The following PGAP4 variants were observed in gnomAD, a reference collection of about 807,000 sequenced individuals.
The protein encoded by PGAP4 is post-GPI attachment to proteins GalNAc transferase 4.
In PGAP4, 12 loss-of-function variants were observed where a neutral mutation model predicts 28.2. That is an observed-to-expected ratio of 0.42 (90% confidence interval 0.27 to 0.69). The LOEUF is 0.69. Ranked by LOEUF, PGAP4 falls within the 30% of genes least tolerant of loss-of-function variation. The pLI, the probability that PGAP4 is intolerant of heterozygous loss-of-function variation, is 0.22. For synonymous variants in PGAP4, 205 were observed against 211.8 expected, an observed-to-expected ratio of 0.97 and a Z score of 0.28; for missense variants, 425 against 513.5, an observed-to-expected ratio of 0.83 and a Z score of 1.67.
upstream of PGAP4, among the ~76,000 whole-genome samples, chr9:101,490,364 A>G (rs2118570930): frequency 6.6e-6 from 1 of 151,548 alleles, no homozygotes; most frequent in South Asian, 2.1e-4. Flanking sequence ...TAATTTTTGT[A>G]TTTTTAGTAG....
rs1414060382 is a variant in PGAP4, at chr9:101,474,164, AT to A, written c.*1716del. ...TTGAAGTCAGAAGAGCTCCGTTCCC[AT>A]TTTGGCTATGCTGCTGTTCAGGTTT... On this transcript the variant is annotated 3_prime_UTR_variant, in exon 2 of 2. Transcript: ENST00000374848. 1 of 152,178 alleles carries A rather than the reference AT, an allele frequency of 6.6e-6. No homozygotes were observed. Among genetic ancestry groups the A allele is most frequent in the East Asian group, 1.9e-4 (1 of 5,182 alleles). The allele number at this position is 152,178 out of a possible 1,614,324, so 9.4% of individuals were successfully genotyped here.
chr9:101,499,011 T>A (rs1826775210), intron 2 of PGAP4, among the ~76,000 whole-genome samples: 1 of 151,820 alleles, frequency 6.6e-6, no homozygotes, highest in Non-Finnish European at 1.5e-5. Context: ...AATACTAAAC[T>A]ACACATGGAA....
chr9:101,493,011 T>G (rs1423938209), intron 2 of PGAP4, among the ~76,000 whole-genome samples: 1 of 151,770 alleles, frequency 6.6e-6, no homozygotes, highest in Non-Finnish European at 1.5e-5. Context: ...TCCCAGCACT[T>G]TGGGAGGCCG....
chr9:101,476,973 G>T lies in PGAP4; in HGVS notation c.120C>A (p.Pro40=), dbSNP rs745323068. ...LTVVTFGLLA[P]LACHRLLHSY... Reference sequence around the variant, plus strand: ...AGTGTAGAAGTCGGTGACAGGCCAGGGGGGCCAGCAGGCCAAACGTCACCA... The same window carrying T: ...AGTGTAGAAGTCGGTGACAGGCCAGTGGGGCCAGCAGGCCAAACGTCACCA... The change falls in exon 2 of 2, where the codon CCC becomes CCA. Residue 40 remains proline (P), a synonymous_variant. Coordinates refer to ENST00000374848, the MANE Select transcript of PGAP4 (RefSeq NM_032342.3). The surrounding 1 kb of genome is among the most constrained non-coding windows in gnomAD (Gnocchi z 7.0). 6.3e-7 allele frequency: 1 copy of T among 1,598,586 alleles called. No individual in the cohort carries two copies. Among genetic ancestry groups the T allele is most frequent in the South Asian group, 1.1e-5 (1 of 90,470 alleles).
chr9:101,495,634 G>C (rs56682764), intron 2 of PGAP4, among the ~76,000 whole-genome samples: 1 of 148,566 alleles, frequency 6.7e-6, no homozygotes, highest in African/African-American at 2.5e-5. Context: ...TAAATAACAT[G>C]TATTTATTTA....
chr9:101,489,143 A>T (rs1826662139), upstream of PGAP4: 1 of 152,182 alleles, frequency 6.6e-6, no homozygotes. Flanking sequence ...AAAAGCCAAA[A>T]TCCAAACTGA....
At chr9:101,504,702 C>T (rs904263467) in intron 2 of PGAP4, among the ~76,000 whole-genome samples, 1 of 152,078 alleles carries the variant, frequency 6.6e-6, no homozygotes, top group African/African-American at 2.4e-5. Flanking sequence ...TAACTGAGAG[C>T]AATTGCAGTA....
At position 101,473,761 on chromosome 9, in the gene PGAP4, A is replaced by C. The variant is rs1361557783; in HGVS notation, c.*2120T>G. On this transcript the variant is annotated 3_prime_UTR_variant, in exon 2 of 2. Transcript: ENST00000374848. ...GGGGCTCTACTGTCATTGGTCAAAA[A>C]ACTTTCATGAGGAGATCCAATCACT... is the stretch of plus-strand genomic sequence containing the variant. The C allele has an allele frequency of 6.6e-6, 1 of 152,256 alleles. No individual in the cohort carries two copies. The highest frequency in any genetic ancestry group is 2.4e-5 in the African/African-American group (1 of 41,458). The allele number at this position is 152,256 out of a possible 1,614,324, so 9.4% of individuals were successfully genotyped here.
At chr9:101,500,756 C>G (rs1296909214) in intron 2 of PGAP4, among the ~76,000 whole-genome samples, 1 of 151,970 alleles carries the variant, frequency 6.6e-6, no homozygotes, top group African/African-American at 2.4e-5. Flanking sequence ...AGGGAGGAGA[C>G]AGGAAGATAC....
intron 2 of PGAP4, among the ~76,000 whole-genome samples, chr9:101,514,080 C>T (rs574777060): frequency 1.6e-3 from 238 of 151,986 alleles, no homozygotes; most frequent in Middle Eastern, 6.8e-3. Context: ...GGTGAATCTT[C>T]CCCACTCAGT....
chr9:101,493,945 C>T (rs569310027), intron 2 of PGAP4, among the ~76,000 whole-genome samples: 8 of 151,674 alleles, frequency 5.3e-5, no homozygotes, highest in South Asian at 2.1e-4. Context: ...AAACAATGTA[C>T]AGGGATATAA....
intron 1 of PGAP4, among the ~76,000 whole-genome samples, chr9:101,482,574 A>C (rs1826518774): frequency 6.6e-6 from 1 of 152,194 alleles, no homozygotes; most frequent in Non-Finnish European, 1.5e-5. Context: ...CTTTTCTGTA[A>C]AACTATTCAA....
At chr9:101,495,975 G>T (rs1826744033) in intron 2 of PGAP4, among the ~76,000 whole-genome samples, 1 of 151,336 alleles carries the variant, frequency 6.6e-6, no homozygotes, top group South Asian at 2.1e-4. Flanking sequence ...AGAAAAGTGT[G>T]TTCAGACTCC....
At chr9:101,503,565 T>A (rs947676260) in intron 2 of PGAP4, among the ~76,000 whole-genome samples, 2 of 152,088 alleles carry the variant, frequency 1.3e-5, no homozygotes, top group Admixed American at 1.3e-4. Flanking sequence ...ATAATTACAT[T>A]CTCTACCACA....
At chr9:101,484,867 C>A (rs908650903) in intron 1 of PGAP4, among the ~76,000 whole-genome samples, 6 of 152,018 alleles carry the variant, frequency 3.9e-5, no homozygotes, top group Admixed American at 2.6e-4. Flanking sequence ...GAGATATGAC[C>A]ATTTTATTTT....
At chr9:101,527,812 C>T (rs1312774583) in intron 2 of PGAP4, among the ~76,000 whole-genome samples, 3 of 152,140 alleles carry the variant, frequency 2.0e-5, no homozygotes, top group Non-Finnish European at 4.4e-5. Flanking sequence ...ATGTGAGACA[C>T]TTGATGTTGT....
chr9:101,516,616 C>A (rs1035293843), intron 2 of PGAP4, among the ~76,000 whole-genome samples: 1 of 152,114 alleles, frequency 6.6e-6, no homozygotes, highest in Non-Finnish European at 1.5e-5. Flanking sequence ...ATGACTTTAT[C>A]TTATTTTTTG....
intron 1 of PGAP4, 62 bp from the exon 2 acceptor site, chr9:101,477,231 C>CAAACAAACA: frequency 7.7e-7 from 1 of 1,304,732 alleles, no homozygotes; most frequent in South Asian, 1.8e-5. Context: ...AACAAACAAA[C>CAAACAAACA]AAAAAAACAA....
At chr9:101,492,796 A>G (rs1826702909) in intron 2 of PGAP4, among the ~76,000 whole-genome samples, 2 of 151,992 alleles carry the variant, frequency 1.3e-5, no homozygotes, top group South Asian at 2.1e-4. Flanking sequence ...GGGAGAAATT[A>G]TGTTCAGATT....
Sources: allele counts gnomAD v4.1 joint callset (sites outside exome capture counted in the v4.1 genomes callset), GRCh38; gene constraint gnomAD v4.1.1; non-coding constraint Gnocchi (gnomAD v3.1); transcripts MANE v1.5; gene names NCBI Gene and HGNC (gene_info 2026-07-23, HGNC 2026-07-21).